SSH1: variants seen among roughly 807,000 people sequenced by gnomAD.
SSH1 encodes protein phosphatase Slingshot homolog 1.
In SSH1, 43 loss-of-function variants were observed where a neutral mutation model predicts 79.7. The observed-to-expected ratio is 0.54, with a 90% confidence interval of 0.42 to 0.70. SSH1 has a LOEUF of 0.70. Among genes scored for constraint, SSH1 ranks in the 30% least tolerant of loss-of-function variants. SSH1 has a pLI of 0.00. For synonymous variants in SSH1, 599 were observed against 538.3 expected, an observed-to-expected ratio of 1.11 and a Z score of -1.56; for missense variants, 1,206 against 1,358.8, an observed-to-expected ratio of 0.89 and a Z score of 1.77.
intron 4 of SSH1, among the ~76,000 whole-genome samples, chr12:108,817,620 C>G (rs373223547): frequency 3.3e-5 from 5 of 152,250 alleles, no homozygotes; most frequent in East Asian, 3.9e-4. Context: ...TTCTTGACAG[C>G]AGGAACCAGG....
At chr12:108,830,385 G>A (rs370060217) in intron 2 of SSH1, among the ~76,000 whole-genome samples, 11 of 152,064 alleles carry the variant, frequency 7.2e-5, no homozygotes, top group Admixed American at 4.6e-4. Context: ...CCTGGAGGTC[G>A]AGGCTGCACT....
At chr12:108,855,718 C>G (rs929222542) in intron 1 of SSH1, among the ~76,000 whole-genome samples, 2 of 152,188 alleles carry the variant, frequency 1.3e-5, no homozygotes, top group Non-Finnish European at 2.9e-5. Context: ...AGCCCCTCCT[C>G]GCTGTGGGAA....
In SSH1 at chr12:108,789,131, C is replaced by T; in HGVS notation, c.2007G>A (p.Glu669=). The change falls in exon 15 of 15, where the codon GAG becomes GAA. Residue 669 remains glutamate (E), a synonymous_variant. Coordinates refer to ENST00000326495, the MANE Select transcript of SSH1 (RefSeq NM_018984.4). ...GAPEASRERC[E]DPNAPAICTQ... is the part of the protein sequence containing the mutation. ...TGCAGATGGCGGGAGCATTGGGGTC[C>T]TCACATCGCTCCCTGGAGGCCTCAG... 6.2e-7 allele frequency: 1 copy of T among 1,613,784 alleles called. No homozygotes were observed. The highest frequency in any genetic ancestry group is 8.5e-7 in the Non-Finnish European group (1 of 1,179,832).
rs61935483 is a variant in SSH1, at chr12:108,846,857, G to A, written c.110+5781C>T. Among the ~76,000 whole-genome samples, 1,239 of 151,802 alleles carry A rather than the reference G, an allele frequency of 8.2e-3. 9 individuals carry two copies. Among genetic ancestry groups the A allele is most frequent in the Middle Eastern group, 0.01 (3 of 288 alleles). On this transcript the variant is annotated intron_variant, in intron 2 of 14. Coordinates refer to ENST00000326495, the MANE Select transcript of SSH1 (RefSeq NM_018984.4). ...ACATCAGCAATACTTTGTGAAGACC[G>A]AGCACAGCAACCAAGCCCACTGTGG...
chr12:108,832,986 G>A (rs959462121), intron 2 of SSH1, among the ~76,000 whole-genome samples: 1 of 152,148 alleles, frequency 6.6e-6, no homozygotes, highest in African/African-American at 2.4e-5. Context: ...TTTGCTGCTG[G>A]AACATGTATT....
At chr12:108,816,339 TAATGAATGAGTCGATG>T in intron 5 of SSH1, among the ~76,000 whole-genome samples, 1 of 152,352 alleles carries the variant, frequency 6.6e-6, no homozygotes, top group East Asian at 1.9e-4. Context: ...ATCATATGCT[TAATGAATGAGTCGATG>T]AATGAATGAT....
chr12:108,788,672 G>A lies in SSH1; in HGVS notation c.2466C>T (p.Val822=). The change falls in exon 15 of 15, where the codon GTC becomes GTT. Residue 822 remains valine, a synonymous_variant. Coordinates refer to ENST00000326495, the MANE Select transcript of SSH1 (RefSeq NM_018984.4). ...SIIQLQKAGL[V]RKHTKELERL... ...GCTCTAGCTCTTTGGTGTGCTTGCG[G>A]ACCAAGCCTGCCTTCTGCAGCTGAA... 6.2e-7 allele frequency: 1 copy of A among 1,614,078 alleles called. No homozygotes were observed. The highest frequency in any genetic ancestry group is 1.1e-5 in the South Asian group (1 of 91,080).
At position 108,826,991 on chromosome 12, in the gene SSH1, C is replaced by G. The variant is rs190992787; in HGVS notation, c.111-3630G>C. Among the ~76,000 whole-genome samples, 23 of 142,854 alleles carry G rather than the reference C, an allele frequency of 1.6e-4. No homozygotes were observed. In the Middle Eastern group the frequency reaches 0.01, roughly 65 times the overall value. 93.7% of individuals were successfully genotyped at this position (142,854 alleles called of 152,430 possible). A position where few individuals can be genotyped will look rare whatever the true frequency, so the allele number is the denominator to read the frequency against. On this transcript the variant is annotated intron_variant, in intron 2 of 14. Coordinates refer to ENST00000326495, the MANE Select transcript of SSH1 (RefSeq NM_018984.4). ...CTTCCTCCACCGCTGTAAGAAAAAT[C>G]TTGATGAGGGATAAAAAAAAAAAAA...
chr12:108,816,014 GCCTCAAATGCT>G (rs1350225692), intron 5 of SSH1, among the ~76,000 whole-genome samples: 6 of 152,178 alleles, frequency 3.9e-5, no homozygotes, highest in Admixed American at 3.9e-4. Context: ...TGTTGATTCT[GCCTCAAATGCT>G]CCTCAAATGC....
chr12:108,827,920 G>A (rs1481491323), intron 2 of SSH1, among the ~76,000 whole-genome samples: 2 of 152,202 alleles, frequency 1.3e-5, no homozygotes, highest in East Asian at 1.9e-4. Flanking sequence ...AGGTAGAGGG[G>A]ACCACATGCA....
chr12:108,827,382 A>G, intron 2 of SSH1: 1 of 1,521,552 alleles, frequency 6.6e-7, no homozygotes, highest in African/African-American at 1.4e-5. Context: ...CGCTCCCTAC[A>G]ACTGCCCTCC....
At chr12:108,843,924 A>G (rs1440896602) in intron 2 of SSH1, among the ~76,000 whole-genome samples, 1 of 152,008 alleles carries the variant, frequency 6.6e-6, no homozygotes, top group African/African-American at 2.4e-5. Flanking sequence ...TACAGGAAAT[A>G]TTTCTGTACC....
chr12:108,856,012 C>T (rs1347401681), intron 1 of SSH1, among the ~76,000 whole-genome samples: 4 of 152,228 alleles, frequency 2.6e-5, no homozygotes, highest in Non-Finnish European at 5.9e-5. Context: ...CTCTCAGACA[C>T]ACAAACCTCC....
At chr12:108,795,724 G>A (rs2137004238) in intron 13 of SSH1, among the ~76,000 whole-genome samples, 1 of 152,084 alleles carries the variant, frequency 6.6e-6, no homozygotes, top group Non-Finnish European at 1.5e-5. Context: ...ACCGGGTATT[G>A]TGGTGCGCAC....
At chr12:108,851,835 A>G (rs1464382499) in intron 2 of SSH1, among the ~76,000 whole-genome samples, 1 of 152,202 alleles carries the variant, frequency 6.6e-6, no homozygotes, top group African/African-American at 2.4e-5. Flanking sequence ...CAAAAGCAAG[A>G]TGAAAAAGTG....
At chr12:108,830,330 T>C (rs913611842) in intron 2 of SSH1, among the ~76,000 whole-genome samples, 1 of 152,120 alleles carries the variant, frequency 6.6e-6, no homozygotes, top group Non-Finnish European at 1.5e-5. Context: ...CGCACACTTG[T>C]AGTCCCAGCT....
chr12:108,786,488 A>G lies in SSH1; in HGVS notation c.*1500T>C, dbSNP rs931845957. ...TGGCAAATCAAACCAGGGGTCAGCA[A>G]CTTTTTCTACAAAGGGCCTGACAGT... On this transcript the variant is annotated 3_prime_UTR_variant, in exon 15 of 15. Coordinates refer to ENST00000326495, the MANE Select transcript of SSH1 (RefSeq NM_018984.4). 9.8e-5 allele frequency: 15 copies of G among 152,368 alleles called. No individual in the cohort carries two copies. Among genetic ancestry groups the G allele is most frequent in the African/African-American group, 3.4e-4 (14 of 41,584 alleles). The allele number at this position is 152,368 out of a possible 1,614,324, so 9.4% of individuals were successfully genotyped here. A position where few individuals can be genotyped will look rare whatever the true frequency, so the allele number is the denominator to read the frequency against.
intron 2 of SSH1, among the ~76,000 whole-genome samples, chr12:108,847,542 C>T (rs1593130461): frequency 6.6e-6 from 1 of 152,202 alleles, no homozygotes; most frequent in East Asian, 1.9e-4. Context: ...CGGCTCACTG[C>T]AACCTCCCGG....
chr12:108,855,767 C>T (rs893581707), intron 1 of SSH1, among the ~76,000 whole-genome samples: 1 of 152,194 alleles, frequency 6.6e-6, no homozygotes, highest in African/African-American at 2.4e-5. Flanking sequence ...CAGTAGCAGG[C>T]TATTGATCGC....
Sources: allele counts gnomAD v4.1 joint callset (sites outside exome capture counted in the v4.1 genomes callset), GRCh38; gene constraint gnomAD v4.1.1; transcripts MANE v1.5; gene names NCBI Gene and HGNC (gene_info 2026-07-23, HGNC 2026-07-21).